Variants in SPRY3 observed in about 807,000 individuals in gnomAD.
The protein encoded by SPRY3 is sprouty RTK signaling antagonist 3.
A neutral mutation model predicts 20.2 loss-of-function variants in SPRY3; 15 were observed. The ratio of observed to expected loss-of-function variants is 0.74; its 90% CI spans 0.50 to 1.14. The LOEUF is 1.14. Ranked by LOEUF, SPRY3 falls within the 50% of genes most tolerant of loss-of-function variation. The pLI, the probability that SPRY3 is intolerant of heterozygous loss-of-function variation, is 0.00. For missense variants in SPRY3, 364 were observed against 363.9 expected (o/e 1.00, Z 0.00); for synonymous variants, 143 against 136.5 (o/e 1.05, Z -0.33).
At chrX:155,703,877 C>G (rs1195398051) in intron 2 of SPRY3, among the ~76,000 whole-genome samples, 1 of 151,788 alleles carries the variant, frequency 6.6e-6, no homozygotes, top group Non-Finnish European at 1.5e-5. Flanking sequence ...TCTGGTCGAC[C>G]ATTCTCCATG....
At chrX:155,700,435 C>T (rs1392651253) in intron 2 of SPRY3, among the ~76,000 whole-genome samples, 1 of 108,418 alleles carries the variant, frequency 9.2e-6, no homozygotes, top group East Asian at 2.9e-4. Context: ...TGGGTATGTA[C>T]TCAAAATAAT....
chrX:155,767,713 G>GAGT (rs1337254019), intron 2 of SPRY3: 7 of 95,076 alleles, frequency 7.4e-5, no homozygotes, highest in Non-Finnish European at 1.5e-4. Context: ...AGAAGAGGAG[G>GAGT]AGGAGAAAGA....
At chrX:155,735,869 C>T (rs1258849914) in intron 2 of SPRY3, among the ~76,000 whole-genome samples, 5 of 150,948 alleles carry the variant, frequency 3.3e-5, no homozygotes, top group African/African-American at 1.2e-4. Flanking sequence ...CTTTTTCCAC[C>T]GGTTCTTTAT....
intron 1 of SPRY3, among the ~76,000 whole-genome samples, chrX:155,631,711 G>T (rs1239259780): frequency 9.0e-6 from 1 of 111,625 alleles, no homozygotes; most frequent in African/African-American, 3.3e-5. Context: ...TTCAGCTGTT[G>T]ATTCTCTCTA....
At chrX:155,636,564 GGTATGTAT>G (rs200537763) in intron 1 of SPRY3, among the ~76,000 whole-genome samples, 57,107 of 104,373 alleles carry the variant, frequency 0.55, 14,003 homozygotes, top group Middle Eastern at 0.75. Context: ...TATGTAGGTA[GGTATGTAT>G]GTATGTATGT....
chrX:155,640,857 T>G (rs1251962166), intron 1 of SPRY3, among the ~76,000 whole-genome samples: 3 of 111,946 alleles, frequency 2.7e-5, no homozygotes, highest in African/African-American at 9.7e-5. Context: ...AAGTTTAATA[T>G]CGTATCATCT....
chrX:155,767,584 AG>A (rs2091341581), intron 2 of SPRY3, among the ~76,000 whole-genome samples: 1 of 126,768 alleles, frequency 7.9e-6, no homozygotes, highest in South Asian at 2.9e-4. Context: ...AGGAGGAAGA[AG>A]GGGAGGAGGG....
At chrX:155,744,275 A>G (rs748859622) in intron 2 of SPRY3, among the ~76,000 whole-genome samples, 1 of 152,196 alleles carries the variant, frequency 6.6e-6, no homozygotes, top group Admixed American at 6.5e-5. Context: ...AGTCTTGGAG[A>G]AAAATGAACA....
intron 2 of SPRY3, among the ~76,000 whole-genome samples, chrX:155,671,366 G>C (rs2068039945): frequency 9.0e-6 from 1 of 110,622 alleles, no homozygotes; most frequent in South Asian, 3.9e-4. Context: ...GAAGGTTATT[G>C]CTTCTCCCAA....
intron 2 of SPRY3, among the ~76,000 whole-genome samples, chrX:155,719,766 G>A (rs145301177): frequency 4.3e-4 from 66 of 152,108 alleles, no homozygotes; most frequent in African/African-American, 1.5e-3. Flanking sequence ...CCCAGTCCTG[G>A]CAGCATTCAT....
chrX:155,614,652 C>G (rs1557348695), intron 1 of SPRY3, among the ~76,000 whole-genome samples: 1 of 110,830 alleles, frequency 9.0e-6, no homozygotes, highest in East Asian at 2.8e-4. Context: ...AGATTCAAAC[C>G]TAGGTAATTT....
At chrX:155,624,938 G>A (rs2067883586) in intron 1 of SPRY3, among the ~76,000 whole-genome samples, 1 of 111,295 alleles carries the variant, frequency 9.0e-6, no homozygotes, top group Non-Finnish European at 1.9e-5. Flanking sequence ...TAGTACAAAC[G>A]TAAATTTCTT....
chrX:155,629,080 A>G (rs1397713754), intron 1 of SPRY3, among the ~76,000 whole-genome samples: 1 of 108,566 alleles, frequency 9.2e-6, no homozygotes, highest in Non-Finnish European at 1.9e-5. Flanking sequence ...GGTTTGTTAC[A>G]TGTGCTATGT....
chrX:155,766,697 A>G (rs982575935), intron 2 of SPRY3, among the ~76,000 whole-genome samples: 15 of 152,220 alleles, frequency 9.9e-5, no homozygotes, highest in Non-Finnish European at 1.9e-4. Context: ...GGTAATTTAC[A>G]GAAAGCTTTG....
chrX:155,681,854 C>T (rs1013988359), intron 2 of SPRY3, among the ~76,000 whole-genome samples: 3 of 112,224 alleles, frequency 2.7e-5, no homozygotes, highest in African/African-American at 9.7e-5. Flanking sequence ...GAGGTTGGTT[C>T]ATGAGTTACA....
intron 2 of SPRY3, among the ~76,000 whole-genome samples, chrX:155,697,318 C>T (rs775514924): frequency 9.1e-6 from 1 of 110,313 alleles, no homozygotes; most frequent in South Asian, 3.9e-4. Flanking sequence ...ATTGGTCTTC[C>T]TCTGCCTTTG....
At chrX:155,636,563 A>AT (rs2067923991) in intron 1 of SPRY3, among the ~76,000 whole-genome samples, 1 of 65,891 alleles carries the variant, frequency 1.5e-5, no homozygotes, top group African/African-American at 3.8e-5. Flanking sequence ...TTATGTAGGT[A>AT]GGTATGTATG....
chrX:155,764,832 A>C, intron 2 of SPRY3, among the ~76,000 whole-genome samples: 1 of 152,194 alleles, frequency 6.6e-6, no homozygotes, highest in African/African-American at 2.4e-5. Flanking sequence ...ATTCAGGAAT[A>C]TTATCTTAGT....
At chrX:155,736,759 C>A (rs1468517047) in intron 2 of SPRY3, among the ~76,000 whole-genome samples, 1 of 151,926 alleles carries the variant, frequency 6.6e-6, no homozygotes, top group Non-Finnish European at 1.5e-5. Context: ...TTGGAATATT[C>A]TCAGCCATTA....
Sources: gnomAD v4.1 joint callset for allele counts (sites outside exome capture counted in the v4.1 genomes callset) on GRCh38, gnomAD v4.1.1 for gene constraint, MANE v1.5 for transcripts, NCBI Gene and HGNC (gene_info 2026-07-23, HGNC 2026-07-21) for gene names.